AKAP13: variants seen among roughly 807,000 people sequenced by gnomAD.
AKAP13 encodes the protein A-kinase anchoring protein 13, also known as A-kinase anchor protein 13.
A neutral mutation model predicts 264.5 loss-of-function variants in AKAP13; 80 were observed. The observed-to-expected ratio is 0.30, with a 90% CI of 0.25 to 0.36. AKAP13 has a LOEUF of 0.36. AKAP13 is among the 10% of genes least tolerant of loss of function. AKAP13 has a pLI of 1.00. For missense variants in AKAP13, 3,712 were observed against 3,435.2 expected (o/e 1.08, Z -2.01); for synonymous variants, 1,380 against 1,250.2 (o/e 1.10, Z -2.19).
At chr15:85,392,331 T>C (rs2070905699) in intron 1 of AKAP13, among the ~76,000 whole-genome samples, 1 of 145,452 alleles carries the variant, frequency 6.9e-6, no homozygotes, top group Admixed American at 7.0e-5. Flanking sequence ...CTCGGCTCAC[T>C]GCAACCTCTG....
chr15:85,740,526 G>A (rs979559507), intron 34 of AKAP13: 8 of 483,584 alleles, frequency 1.7e-5, no homozygotes, highest in Non-Finnish European at 3.0e-5. Context: ...ATGCTAACAT[G>A]CATCTGGGAG....
chr15:85,587,870 ACTT>A (rs1447827608), intron 8 of AKAP13, among the ~76,000 whole-genome samples: 1 of 152,118 alleles, frequency 6.6e-6, no homozygotes, highest in Non-Finnish European at 1.5e-5. Context: ...CTGGTCTCAA[ACTT>A]CTTATTTCAA....
In AKAP13 at chr15:85,712,386, A is replaced by C. The variant is rs532382798; in HGVS notation, c.5599+1741A>C. Among the ~76,000 whole-genome samples, 4 of 152,208 alleles carry C rather than the reference A, an allele frequency of 2.6e-5. No individual in the cohort carries two copies. In the South Asian group the frequency reaches 8.3e-4, roughly 32 times the overall value. On this transcript the variant is annotated intron_variant, in intron 19 of 36. Coordinates refer to ENST00000394518, the MANE Select transcript of AKAP13 (RefSeq NM_007200.5). The stretch of plus-strand genomic sequence containing the variant: ...TTTAGTCTGTGATCTTACCCATTCC[A>C]CATACTTTTTATGTCTAGCTTCCTA...
chr15:85,413,819 C>G (rs1365206733), intron 1 of AKAP13, among the ~76,000 whole-genome samples: 2 of 152,148 alleles, frequency 1.3e-5, no homozygotes, highest in Non-Finnish European at 2.9e-5. Context: ...ACGTGCCCTA[C>G]TAACTCAACT....
intron 8 of AKAP13, among the ~76,000 whole-genome samples, chr15:85,601,209 C>T (rs2080052177): frequency 6.6e-6 from 1 of 152,160 alleles, no homozygotes; most frequent in African/African-American, 2.4e-5. Context: ...ACCATTTGCC[C>T]TGGTCTTTCA....
intron 1 of AKAP13, among the ~76,000 whole-genome samples, chr15:85,477,215 A>G (rs1233831304): frequency 6.6e-6 from 1 of 151,912 alleles, no homozygotes; most frequent in Non-Finnish European, 1.5e-5. Context: ...CATTTTAGGA[A>G]GGTTGAGTCA....
intron 8 of AKAP13, among the ~76,000 whole-genome samples, chr15:85,600,345 T>C (rs1225876657): frequency 6.7e-6 from 1 of 150,032 alleles, no homozygotes; most frequent in Admixed American, 6.6e-5. Context: ...AAAGGCTAGC[T>C]TACTATTCTT....
chr15:85,594,979 T>C (rs1479167693), intron 8 of AKAP13, among the ~76,000 whole-genome samples: 1 of 152,240 alleles, frequency 6.6e-6, no homozygotes, highest in South Asian at 2.1e-4. Context: ...TCTCCTAGGC[T>C]GCTCAATTTT....
chr15:85,400,138 A>G (rs905830061), intron 1 of AKAP13, among the ~76,000 whole-genome samples: 1 of 152,126 alleles, frequency 6.6e-6, no homozygotes, highest in East Asian at 1.9e-4. Flanking sequence ...AGTGGCTCAC[A>G]CTTATAATCT....
intron 2 of AKAP13, among the ~76,000 whole-genome samples, chr15:85,490,612 T>A (rs1288425344): frequency 6.6e-6 from 1 of 152,232 alleles, no homozygotes; most frequent in African/African-American, 2.4e-5. Context: ...CTGGGTTGCA[T>A]TTTAGCCTTA....
chr15:85,522,416 T>C (rs1266453766), intron 3 of AKAP13, among the ~76,000 whole-genome samples: 3 of 152,130 alleles, frequency 2.0e-5, no homozygotes, highest in Non-Finnish European at 4.4e-5. Context: ...GTGTCCTAAC[T>C]GTGATCCTCA....
Position 85,723,167 on chromosome 15 carries a change from A to G in AKAP13, c.6592A>G (p.Lys2198Glu), listed in dbSNP as rs1167709522. The change falls in exon 26 of 37, where the codon AAA becomes GAA. Residue 2198 changes from lysine (K) to glutamate (E), a missense_variant. This residue lies in a region of AKAP13 where 342 missense variants were observed against 484.3 expected (regional missense o/e 0.71). Transcript: ENST00000394518. ...VDSKVASYEK[K>E]VRLNEIYTKT... ...CAGCAAAGTGGCAAGTTATGAAAAG[A>G]AAGTGCGTCTCAATGAGATTTATAC... The G allele has an allele frequency of 6.2e-7, 1 of 1,614,076 alleles. No individual in the cohort carries two copies. The highest frequency in any genetic ancestry group is 2.2e-5 in the East Asian group (1 of 44,898).
chr15:85,717,174 T>G, intron 20 of AKAP13, 116 bp from the exon 21 acceptor site: 1 of 606,836 alleles, frequency 1.6e-6, no homozygotes. Context: ...TTGTCTTCAG[T>G]CACTGTAGTA....
rs2086462429 is a variant in AKAP13 at position 85,708,781 on chromosome 15, A to G, written c.5532+695A>G. Among the ~76,000 whole-genome samples, 1 of 152,190 alleles carries G rather than the reference A, an allele frequency of 6.6e-6. No homozygotes were observed. The highest frequency in any genetic ancestry group is 1.5e-5 in the Non-Finnish European group (1 of 68,034). On this transcript the variant is annotated intron_variant, in intron 18 of 36. Coordinates refer to ENST00000394518, the MANE Select transcript of AKAP13 (RefSeq NM_007200.5). This position sits in a 1 kb window ranked among gnomAD's most constrained non-coding sequence, Gnocchi z 4.3. ...GAGTGCTTTCCAACTTCGTCGACAC[A>G]GATGATTAATGAGCTGTGTGCTTCG... is the stretch of plus-strand genomic sequence containing the variant.
chr15:85,589,047 A>G (rs571288961), intron 8 of AKAP13, among the ~76,000 whole-genome samples: 1 of 152,206 alleles, frequency 6.6e-6, no homozygotes, highest in Non-Finnish European at 1.5e-5. Flanking sequence ...TTGTGTTCAC[A>G]GCATTCTTAT....
chr15:85,740,978 G>A (rs904233576), intron 34 of AKAP13, 68 bp from the exon 35 acceptor site: 11 of 1,539,990 alleles, frequency 7.1e-6, no homozygotes, highest in African/African-American at 5.5e-5. Context: ...CTGTGGGGTC[G>A]GGAGGGATCC....
intron 8 of AKAP13, among the ~76,000 whole-genome samples, chr15:85,631,496 T>TCA (rs1179138065): frequency 1.5e-4 from 10 of 64,704 alleles, no homozygotes; most frequent in African/African-American, 4.8e-4. Context: ...TCTCTCTCTC[T>TCA]CTCTCTCACA....
intron 1 of AKAP13, among the ~76,000 whole-genome samples, chr15:85,453,046 G>T (rs2074147901): frequency 1.3e-5 from 2 of 152,200 alleles, no homozygotes. Flanking sequence ...TTGGTTCCCT[G>T]TCTGGTGATG....
intron 5 of AKAP13, among the ~76,000 whole-genome samples, chr15:85,552,557 A>T (rs568357690): frequency 6.6e-6 from 1 of 151,548 alleles, no homozygotes; most frequent in African/African-American, 2.4e-5. Flanking sequence ...GAGGTACCTG[A>T]TATTTTTCCT....
Sources: gnomAD v4.1 joint callset for allele counts (sites outside exome capture counted in the v4.1 genomes callset) on GRCh38, gnomAD v4.1.1 for gene constraint, gnomAD v4.1.1 regional missense constraint, Gnocchi (gnomAD v3.1) non-coding constraint, MANE v1.5 for transcripts, NCBI Gene and HGNC (gene_info 2026-07-23, HGNC 2026-07-21) for gene names.